Variants in CMC1 observed in about 807,000 individuals in gnomAD.
The protein encoded by CMC1 is C-X9-C motif containing 1.
CMC1 carries 14 observed loss-of-function variants against 14.1 expected under a neutral mutation model. The observed-to-expected ratio is 0.99, with a 90% CI of 0.66 to 1.55. The LOEUF (loss-of-function observed/expected upper bound fraction) is 1.55, where lower values mean the gene tolerates loss of function less well. CMC1 is among the 40% of genes most tolerant of loss of function. The pLI is 0.00. For synonymous variants in CMC1, 50 were observed against 38.4 expected (o/e 1.30, Z -1.12); for missense variants, 127 against 123.8 (o/e 1.03, Z -0.12).
intron 2 of CMC1, among the ~76,000 whole-genome samples, chr3:28,284,559 G>T (rs2125529618): frequency 6.6e-6 from 1 of 152,232 alleles, no homozygotes; most frequent in Middle Eastern, 3.4e-3. Flanking sequence ...GTGCATCCAA[G>T]GTTGAGAAAT....
At chr3:28,248,545 G>A (rs1459732687) in intron 1 of CMC1, among the ~76,000 whole-genome samples, 3 of 152,158 alleles carry the variant, frequency 2.0e-5, no homozygotes, top group African/African-American at 7.2e-5. Flanking sequence ...CTTGTCATAG[G>A]TCTCAAGGGG....
intron 1 of CMC1, among the ~76,000 whole-genome samples, chr3:28,261,883 T>C (rs912434727): frequency 6.6e-6 from 1 of 152,172 alleles, no homozygotes; most frequent in South Asian, 2.1e-4. Context: ...TATTGTATTT[T>C]CAATCTGCAT....
intron 1 of CMC1, among the ~76,000 whole-genome samples, chr3:28,253,369 G>C (rs1699231173): frequency 6.6e-6 from 1 of 152,112 alleles, no homozygotes; most frequent in Non-Finnish European, 1.5e-5. Context: ...TTGAGTCCAG[G>C]AGTTTGAGAC....
intron 2 of CMC1, chr3:28,292,705 A>T (rs112918832): frequency 1.3e-5 from 2 of 152,090 alleles, no homozygotes; most frequent in African/African-American, 4.8e-5. Context: ...TTTTAAAAAG[A>T]CCCCTTAATC....
At chr3:28,309,139 TTAAG>T (rs1303993383) in intron 2 of CMC1, among the ~76,000 whole-genome samples, 6 of 152,142 alleles carry the variant, frequency 3.9e-5, no homozygotes, top group African/African-American at 1.4e-4. Context: ...TCTCCTAGCG[TTAAG>T]TGTTAGGATT....
intron 2 of CMC1, among the ~76,000 whole-genome samples, chr3:28,307,698 T>C (rs1702398480): frequency 6.6e-6 from 1 of 152,252 alleles, no homozygotes; most frequent in African/African-American, 2.4e-5. Context: ...GCAAAACATC[T>C]TTTAGCCAGT....
chr3:28,257,697 T>G (rs1333904134), intron 1 of CMC1, among the ~76,000 whole-genome samples: 1 of 152,068 alleles, frequency 6.6e-6, no homozygotes, highest in Non-Finnish European at 1.5e-5. Flanking sequence ...TTTTGTATTT[T>G]TAGTAGGGAC....
chr3:28,295,131 G>A (rs940999870), intron 2 of CMC1, among the ~76,000 whole-genome samples: 1 of 152,104 alleles, frequency 6.6e-6, no homozygotes, highest in African/African-American at 2.4e-5. Flanking sequence ...TCTTAAGTGT[G>A]TAAGCCATTT....
intron 2 of CMC1, among the ~76,000 whole-genome samples, chr3:28,293,578 T>TA (rs1251240191): frequency 2.6e-5 from 4 of 152,172 alleles, no homozygotes; most frequent in Non-Finnish European, 4.4e-5. Flanking sequence ...CACAGTCTTT[T>TA]AAAAATATTC....
At chr3:28,294,636 A>G (rs1701648977) in intron 2 of CMC1, 1 of 162,244 alleles carries the variant, frequency 6.2e-6, no homozygotes, top group South Asian at 2.0e-4. Flanking sequence ...TAAAGTCAAC[A>G]TAAAGTAATA....
intron 2 of CMC1, among the ~76,000 whole-genome samples, chr3:28,301,304 T>G (rs1422728713): frequency 6.6e-6 from 1 of 152,092 alleles, no homozygotes; most frequent in Admixed American, 6.5e-5. Flanking sequence ...ACTGCAGCCT[T>G]GACCTTCTGG....
chr3:28,301,027 T>G (rs1239552256), intron 2 of CMC1, among the ~76,000 whole-genome samples: 1 of 151,542 alleles, frequency 6.6e-6, no homozygotes, highest in African/African-American at 2.4e-5. Context: ...GTGTGCTATT[T>G]TTTTTAGTGG....
In CMC1 at chr3:28,323,963, C is replaced by A. The variant is rs190014926; in HGVS notation, c.*4334C>A. ...CAAAATTTTAATCAAAATCTCCTTTCAGTTTGTTAAATAATTTCTTGGGAG... is the reference window on the plus strand; with the variant it reads ...CAAAATTTTAATCAAAATCTCCTTTAAGTTTGTTAAATAATTTCTTGGGAG... On this transcript the variant is annotated 3_prime_UTR_variant, in exon 4 of 4. Coordinates refer to ENST00000466830, the MANE Select transcript of CMC1 (RefSeq NM_182523.2). The A allele has an allele frequency of 1.4e-4, 201 of 1,450,894 alleles. 3 individuals are homozygous for A. The African/African-American group carries it at 2.5e-3, about 18-fold the overall frequency. 89.9% of individuals were successfully genotyped at this position (1,450,894 alleles called of 1,614,324 possible).
intron 2 of CMC1, among the ~76,000 whole-genome samples, chr3:28,263,581 A>G (rs1699842924): frequency 6.6e-6 from 1 of 152,092 alleles, no homozygotes; most frequent in African/African-American, 2.4e-5. Context: ...ATTTCCCTAA[A>G]TTACTAGTAA....
At position 28,320,206 on chromosome 3, in the gene CMC1, T is replaced by C. The variant is rs1703142448; in HGVS notation, c.*577T>C. The C allele has an allele frequency of 6.6e-6, 1 of 151,624 alleles. No individual in the cohort carries two copies. The highest frequency in any genetic ancestry group is 1.5e-5 in the Non-Finnish European group (1 of 67,774). The allele number at this position is 151,624 out of a possible 1,614,324, so 9.4% of individuals were successfully genotyped here. On this transcript the variant is annotated 3_prime_UTR_variant, in exon 4 of 4. Transcript: ENST00000466830. ...CTCTTATATTGGTAGTTACTGTTAG[T>C]AGTAGTAGAGGCTTATTTGGAAACT...
chr3:28,317,310 G>T (rs1233296849), intron 3 of CMC1: 2 of 151,722 alleles, frequency 1.3e-5, no homozygotes, highest in Non-Finnish European at 2.9e-5. Context: ...TGCTATATTT[G>T]TAAATGATGA....
rs1321707408 is a variant in CMC1, at chr3:28,316,351, A to G, written c.128A>G (p.Lys43Arg). 7.6e-6 allele frequency: 12 copies of G among 1,572,394 alleles called. No individual in the cohort carries two copies. The highest frequency in any genetic ancestry group is 1.7e-4 in the Middle Eastern group (1 of 5,836). The change falls in exon 3 of 4, where the codon AAG becomes AGG. Residue 43 changes from lysine (K) to arginine (R), a missense_variant. Transcript: ENST00000466830. ...EQVQDFTKCC[K>R]NSGVLMVVKC... ...ATTTCAGATTTTACCAAATGTTGCA[A>G]GAACTCTGGAGTTCTTATGGTAGTA... is the stretch of plus-strand genomic sequence containing the variant.
intron 2 of CMC1, among the ~76,000 whole-genome samples, chr3:28,267,238 A>G (rs1159148301): frequency 6.6e-6 from 1 of 152,196 alleles, no homozygotes; most frequent in East Asian, 1.9e-4. Flanking sequence ...ATTTTTCTCC[A>G]TAAGAGGAAG....
chr3:28,305,349 C>T (rs1702253455), intron 2 of CMC1, among the ~76,000 whole-genome samples: 1 of 152,108 alleles, frequency 6.6e-6, no homozygotes, highest in Non-Finnish European at 1.5e-5. Flanking sequence ...TAGGTTGATT[C>T]CATAACTTTG....
Sources: gnomAD v4.1 joint callset for allele counts (sites outside exome capture counted in the v4.1 genomes callset) on GRCh38, gnomAD v4.1.1 for gene constraint, MANE v1.5 for transcripts, NCBI Gene and HGNC (gene_info 2026-07-23, HGNC 2026-07-21) for gene names.